HORMAD2: variants seen among roughly 807,000 people sequenced by gnomAD.
HORMAD2 encodes HORMA domain-containing protein 2.
HORMAD2 carries 45 observed loss-of-function variants against 38.8 expected under a neutral mutation model. The observed-to-expected ratio is 1.16, with a 90% confidence interval of 0.91 to 1.49. The LOEUF (loss-of-function observed/expected upper bound fraction) is 1.49, where lower values mean the gene tolerates loss of function less well. Ranked by LOEUF, HORMAD2 falls within the 40% of genes most tolerant of loss-of-function variation. The pLI, the probability that HORMAD2 is intolerant of heterozygous loss-of-function variation, is 0.00. For synonymous variants in HORMAD2, 126 were observed against 122.8 expected, an observed-to-expected ratio of 1.03 and a Z score of -0.17; for missense variants, 338 against 367.0, an observed-to-expected ratio of 0.92 and a Z score of 0.65.
At chr22:30,184,479 TATC>T in the HORMAD2 span, among the ~76,000 whole-genome samples, 3 of 152,210 alleles carry the variant, frequency 2.0e-5, no homozygotes, top group African/African-American at 2.4e-5. Flanking sequence ...TCAAGTTACT[TATC>T]ATCTTCTATT....
At chr22:30,193,772 A>G in the HORMAD2 span, among the ~76,000 whole-genome samples, 1 of 152,218 alleles carries the variant, frequency 6.6e-6, no homozygotes, top group Non-Finnish European at 1.5e-5. Flanking sequence ...TGGCTGTAGT[A>G]TATTTCCCAG....
chr22:30,189,025 G>A, the HORMAD2 span, among the ~76,000 whole-genome samples: 1 of 151,798 alleles, frequency 6.6e-6, no homozygotes, highest in East Asian at 1.9e-4. Flanking sequence ...GCTGATGTGG[G>A]AGGATCACTT....
chr22:30,122,642 G>C (rs569649816), intron 10 of HORMAD2, among the ~76,000 whole-genome samples: 1 of 152,142 alleles, frequency 6.6e-6, no homozygotes, highest in Non-Finnish European at 1.5e-5. Flanking sequence ...CCGAGTCAGC[G>C]TGAAAACAAA....
At chr22:30,202,757 G>T in the HORMAD2 span, among the ~76,000 whole-genome samples, 2 of 152,200 alleles carry the variant, frequency 1.3e-5, no homozygotes, top group African/African-American at 4.8e-5. Flanking sequence ...TTCTGCCTGG[G>T]ACATGCAGCC....
Position 30,176,404 on chromosome 22 carries a change from G to A in HORMAD2, c.*237G>A. 2.5e-6 allele frequency: 1 copy of A among 399,436 alleles called. No homozygotes were observed. Among genetic ancestry groups the A allele is most frequent in the Non-Finnish European group, 4.5e-6 (1 of 222,426 alleles). The allele number at this position is 399,436 out of a possible 1,614,324, so 24.7% of individuals were successfully genotyped here. ...CTCTGGATAGCATTACTTCAAAGCTGGGTTAGAGATGAGGCACCTTTTATA... is the reference window on the plus strand; with the variant it reads ...CTCTGGATAGCATTACTTCAAAGCTAGGTTAGAGATGAGGCACCTTTTATA... On this transcript the variant is annotated 3_prime_UTR_variant, in exon 11 of 11. Transcript: ENST00000336726.
At chr22:30,133,675 C>G (rs148998457) in intron 10 of HORMAD2, among the ~76,000 whole-genome samples, 1 of 151,606 alleles carries the variant, frequency 6.6e-6, no homozygotes, top group Non-Finnish European at 1.5e-5. Flanking sequence ...TGGGTCCGTA[C>G]TGAACATGTA....
At chr22:30,153,397 T>C (rs754429491) in intron 10 of HORMAD2, among the ~76,000 whole-genome samples, 2 of 152,178 alleles carry the variant, frequency 1.3e-5, no homozygotes, top group Non-Finnish European at 2.9e-5. Context: ...CTAAACACCT[T>C]TTCTTGGCTT....
At chr22:30,118,643 A>G (rs964280928) in intron 7 of HORMAD2, among the ~76,000 whole-genome samples, 1 of 152,240 alleles carries the variant, frequency 6.6e-6, no homozygotes, top group African/African-American at 2.4e-5. Flanking sequence ...GTAGACATTC[A>G]ATACAATATT....
intron 7 of HORMAD2, among the ~76,000 whole-genome samples, chr22:30,113,016 G>A (rs1026136782): frequency 1.3e-5 from 2 of 151,972 alleles, no homozygotes; most frequent in African/African-American, 4.8e-5. Context: ...GATTTTCAGA[G>A]CTTTACCTCT....
At chr22:30,124,979 A>G (rs1481355588) in intron 10 of HORMAD2, among the ~76,000 whole-genome samples, 2 of 152,098 alleles carry the variant, frequency 1.3e-5, no homozygotes, top group Non-Finnish European at 2.9e-5. Context: ...GTAATGCCTC[A>G]TGATGTTAAT....
intron 10 of HORMAD2, among the ~76,000 whole-genome samples, chr22:30,129,264 AG>A (rs1467290376): frequency 4.2e-5 from 6 of 141,296 alleles, no homozygotes; most frequent in East Asian, 2.3e-4. Flanking sequence ...AAAGAGAGAG[AG>A]AGAATAAATA....
chr22:30,156,522 G>A (rs4336042), intron 10 of HORMAD2, among the ~76,000 whole-genome samples: 106,899 of 152,104 alleles, frequency 0.7, 38,604 homozygotes, highest in South Asian at 0.87. Context: ...ACACAGTCTC[G>A]GAATCACTGT....
chr22:30,084,727 G>T (rs576979610), intron 1 of HORMAD2, among the ~76,000 whole-genome samples: 1 of 152,046 alleles, frequency 6.6e-6, no homozygotes, highest in South Asian at 2.1e-4. Context: ...GACCTCAAGT[G>T]ATCCATCCCA....
chr22:30,108,009 C>T (rs986206005), intron 5 of HORMAD2, among the ~76,000 whole-genome samples: 7 of 151,594 alleles, frequency 4.6e-5, no homozygotes, highest in African/African-American at 1.7e-4. Flanking sequence ...GCTGGGACTA[C>T]AGGCACGTGC....
chr22:30,182,913 C>T, the HORMAD2 span, among the ~76,000 whole-genome samples: 1 of 151,974 alleles, frequency 6.6e-6, no homozygotes, highest in East Asian at 1.9e-4. Context: ...TAAAGAAAAA[C>T]CTCCCTCCCA....
At chr22:30,148,486 G>A (rs374199395) in intron 10 of HORMAD2, among the ~76,000 whole-genome samples, 1 of 152,078 alleles carries the variant, frequency 6.6e-6, no homozygotes, top group East Asian at 1.9e-4. Flanking sequence ...TTATCAAAAT[G>A]CAAAGAAAAC....
chr22:30,079,532 G>T (rs1465744025), upstream of HORMAD2, among the ~76,000 whole-genome samples: 3 of 152,022 alleles, frequency 2.0e-5, no homozygotes, highest in South Asian at 2.1e-4. Context: ...TTGAGACAGG[G>T]TCTCCCTCTG....
At chr22:30,167,840 G>A (rs889507969) in intron 10 of HORMAD2, among the ~76,000 whole-genome samples, 1 of 152,042 alleles carries the variant, frequency 6.6e-6, no homozygotes, top group Non-Finnish European at 1.5e-5. Context: ...ATTATAAGGA[G>A]CACTAAACTT....
chr22:30,130,292 T>A (rs937407319), intron 10 of HORMAD2, among the ~76,000 whole-genome samples: 4 of 152,202 alleles, frequency 2.6e-5, no homozygotes, highest in African/African-American at 7.2e-5. Flanking sequence ...AATTGTGCTA[T>A]TCACTTTCTG....
Sources: gnomAD v4.1 joint callset for allele counts (sites outside exome capture counted in the v4.1 genomes callset) on GRCh38, gnomAD v4.1.1 for gene constraint, MANE v1.5 for transcripts, NCBI Gene and HGNC (gene_info 2026-07-23, HGNC 2026-07-21) for gene names.